The following NBEA variants were observed in gnomAD, a reference collection of about 807,000 sequenced individuals.
NBEA encodes neurobeachin, also known as lysosomal-trafficking regulator 2.
NBEA carries 44 observed loss-of-function variants against 343.4 expected under a neutral mutation model. The ratio of observed to expected loss-of-function variants is 0.13; its 90% CI spans 0.10 to 0.16. NBEA has a LOEUF of 0.16. Ranked by LOEUF, NBEA falls within the 10% of genes least tolerant of loss-of-function variation. The pLI, the probability that NBEA is intolerant of heterozygous loss-of-function variation, is 1.00. For synonymous variants in NBEA, 1,175 were observed against 1,238.7 expected (o/e 0.95, Z 1.08); for missense variants, 2,555 against 3,631.3 (o/e 0.70, Z 7.62).
chr13:35,368,561 A>G (rs2041255511), intron 38 of NBEA, among the ~76,000 whole-genome samples: 1 of 151,606 alleles, frequency 6.6e-6, no homozygotes, highest in Non-Finnish European at 1.5e-5. Flanking sequence ...ATCAAAAATT[A>G]TTTGTTTTTA....
rs2035634480 is a variant in NBEA at position 35,289,165 on chromosome 13, A to C, written c.5777-1224A>C. Among the ~76,000 whole-genome samples the C allele has an allele frequency of 2.0e-5, 3 of 151,906 alleles. No individual in the cohort carries two copies. In the South Asian group the frequency reaches 6.2e-4, roughly 31 times the overall value. On this transcript the variant is annotated intron_variant, in intron 34 of 58. Coordinates refer to ENST00000379939, the MANE Select transcript of NBEA (RefSeq NM_001385012.1). The stretch of plus-strand genomic sequence containing the variant: ...TGAGACTGTTTATTGAAATCACCTC[A>C]AGAAACAAAAATAACTGGTTTCACT...
chr13:35,441,546 C>G (rs1435993570), intron 39 of NBEA, among the ~76,000 whole-genome samples: 1 of 152,074 alleles, frequency 6.6e-6, no homozygotes, highest in Non-Finnish European at 1.5e-5. Context: ...CACCTTAATT[C>G]TTTGACTTCT....
chr13:35,317,942 A>G (rs2037860528), intron 36 of NBEA, among the ~76,000 whole-genome samples: 1 of 152,112 alleles, frequency 6.6e-6, no homozygotes, highest in Non-Finnish European at 1.5e-5. Context: ...ATTTTTGCAC[A>G]TTGATTTTGT....
At chr13:35,152,417 C>A (rs1345159603) in intron 18 of NBEA, among the ~76,000 whole-genome samples, 2 of 152,206 alleles carry the variant, frequency 1.3e-5, no homozygotes, top group Non-Finnish European at 2.9e-5. Context: ...GATTCTCTGA[C>A]CCAAATACAG....
intron 13 of NBEA, among the ~76,000 whole-genome samples, chr13:35,116,432 G>A (rs1406609638): frequency 6.6e-6 from 1 of 152,098 alleles, no homozygotes; most frequent in African/African-American, 2.4e-5. Flanking sequence ...GTAATACCAA[G>A]TGTCAATAGG....
chr13:35,279,859 T>G (rs1392957352), intron 34 of NBEA, among the ~76,000 whole-genome samples: 5 of 152,092 alleles, frequency 3.3e-5, no homozygotes, highest in Admixed American at 6.6e-5. Flanking sequence ...AGAACTAACT[T>G]GCTGAAAAGC....
intron 38 of NBEA, among the ~76,000 whole-genome samples, chr13:35,407,373 A>G (rs1461195487): frequency 6.6e-6 from 1 of 152,180 alleles, no homozygotes; most frequent in African/African-American, 2.4e-5. Context: ...ATGATAACCA[A>G]GAGACAAAAA....
chr13:35,214,579 A>G (rs1161995485), intron 33 of NBEA, among the ~76,000 whole-genome samples: 2 of 151,670 alleles, frequency 1.3e-5, no homozygotes, highest in Non-Finnish European at 3.0e-5. Context: ...AGTTCTTTAT[A>G]TATTCTTCAT....
At chr13:35,563,142 GA>G (rs2079955933) in intron 44 of NBEA, among the ~76,000 whole-genome samples, 4 of 144,822 alleles carry the variant, frequency 2.8e-5, no homozygotes, top group Non-Finnish European at 6.1e-5. Flanking sequence ...GAGATAGATA[GA>G]TAGATAGATA....
chr13:34,969,728 C>G (rs2059940063), intron 1 of NBEA, among the ~76,000 whole-genome samples: 1 of 151,324 alleles, frequency 6.6e-6, no homozygotes, highest in Non-Finnish European at 1.5e-5. Context: ...TTATCTCATT[C>G]TTTTTTATGG....
intron 37 of NBEA, among the ~76,000 whole-genome samples, chr13:35,350,120 C>A (rs1158633779): frequency 3.9e-5 from 6 of 152,146 alleles, no homozygotes. Context: ...GGAATCTCAA[C>A]TGAATTCCCT....
At chr13:35,073,420 A>G (rs1225380988) in intron 10 of NBEA, among the ~76,000 whole-genome samples, 1 of 152,162 alleles carries the variant, frequency 6.6e-6, no homozygotes, top group Admixed American at 6.6e-5. Context: ...ATACTGTCTA[A>G]TTTTTAATTA....
At chr13:35,616,454 T>G (rs1215864616) in intron 48 of NBEA, among the ~76,000 whole-genome samples, 1 of 152,218 alleles carries the variant, frequency 6.6e-6, no homozygotes, top group East Asian at 1.9e-4. Context: ...AAATTCAGTT[T>G]TCCTCAGTGA....
chr13:35,641,000 A>G (rs2083920545), intron 49 of NBEA, among the ~76,000 whole-genome samples: 1 of 152,126 alleles, frequency 6.6e-6, no homozygotes, highest in Admixed American at 6.6e-5. Context: ...CAATTTTATA[A>G]TCAGTAAGAA....
intron 8 of NBEA, among the ~76,000 whole-genome samples, chr13:35,059,903 C>T (rs1049832226): frequency 1.3e-5 from 2 of 151,692 alleles, no homozygotes; most frequent in African/African-American, 2.4e-5. Flanking sequence ...TACTTGCTAT[C>T]ATGTATTTTC....
At chr13:35,620,729 T>C (rs955653280) in intron 48 of NBEA, among the ~76,000 whole-genome samples, 8 of 151,976 alleles carry the variant, frequency 5.3e-5, no homozygotes, top group African/African-American at 1.9e-4. Flanking sequence ...ATTTGAGAGA[T>C]GATGGTGGCT....
At chr13:35,376,035 A>G (rs2041720522) in intron 38 of NBEA, among the ~76,000 whole-genome samples, 1 of 152,086 alleles carries the variant, frequency 6.6e-6, no homozygotes, top group Non-Finnish European at 1.5e-5. Flanking sequence ...AAAAGACTTC[A>G]TTTTATATAT....
intron 34 of NBEA, among the ~76,000 whole-genome samples, chr13:35,274,989 G>T (rs931016867): frequency 2.6e-5 from 4 of 151,994 alleles, no homozygotes; most frequent in African/African-American, 7.2e-5. Flanking sequence ...TTTCTTCAAA[G>T]AATTGGAAAA....
At chr13:34,955,698 C>G (rs975654824) in intron 1 of NBEA, among the ~76,000 whole-genome samples, 19 of 152,076 alleles carry the variant, frequency 1.2e-4, no homozygotes, top group Non-Finnish European at 2.9e-5. Context: ...TTGTAGAAAT[C>G]ATTTTTTTTT....
Sources: allele counts gnomAD v4.1 joint callset (sites outside exome capture counted in the v4.1 genomes callset), GRCh38; gene constraint gnomAD v4.1.1; transcripts MANE v1.5; gene names NCBI Gene and HGNC (gene_info 2026-07-23, HGNC 2026-07-21).